The following ITPR2 variants were observed in gnomAD, a reference collection of about 807,000 sequenced individuals.
ITPR2 encodes inositol 1,4,5-trisphosphate-gated calcium channel ITPR2.
ITPR2 carries 207 observed loss-of-function variants against 317.1 expected under a neutral mutation model. The observed-to-expected ratio is 0.65, with a 90% CI of 0.58 to 0.73. The LOEUF is 0.73. Among genes scored for constraint, ITPR2 ranks in the 30% least tolerant of loss-of-function variants. The pLI is 0.00. For synonymous variants in ITPR2, 1,156 were observed against 1,149.1 expected, an observed-to-expected ratio of 1.01 and a Z score of -0.12; for missense variants, 2,613 against 3,284.0, an observed-to-expected ratio of 0.80 and a Z score of 4.99.
In ITPR2 at chr12:26,336,214, C is replaced by A. The variant is rs1937910031; in HGVS notation, c.*3183G>T. Among the ~76,000 whole-genome samples, 1 of 152,174 alleles carries A rather than the reference C, an allele frequency of 6.6e-6. No individual in the cohort carries two copies. The highest frequency in any genetic ancestry group is 2.4e-5 in the African/African-American group (1 of 41,440). On this transcript the variant is annotated 3_prime_UTR_variant, in exon 57 of 57. Coordinates refer to ENST00000381340, the MANE Select transcript of ITPR2 (RefSeq NM_002223.4). Reference sequence around the variant, plus strand: ...CTATCTCCACCTTCTCTCACCAACTCCCCAGCCTCCCCACTCATTCTCAGT... The same window carrying A: ...CTATCTCCACCTTCTCTCACCAACTACCCAGCCTCCCCACTCATTCTCAGT...
rs55657323 is a variant in ITPR2 at position 26,575,913 on chromosome 12, T to C, written c.4630+2800A>G. Among the ~76,000 whole-genome samples the C allele has an allele frequency of 1.7e-3, 262 of 152,262 alleles. 1 individual carries two copies. The highest frequency in any genetic ancestry group is 0.01 in the Middle Eastern group (3 of 294). ...CAATGTATACATGTGATCAACAACA[T>C]GCCCGCTACGCCCTGTGTAGGGCCA... On this transcript the variant is annotated intron_variant, in intron 34 of 56. Coordinates refer to ENST00000381340, the MANE Select transcript of ITPR2 (RefSeq NM_002223.4).
intron 8 of ITPR2, among the ~76,000 whole-genome samples, chr12:26,713,956 G>A (rs1363002010): frequency 1.3e-5 from 2 of 152,152 alleles, no homozygotes; most frequent in Admixed American, 6.5e-5. Flanking sequence ...AGTCATAGCT[G>A]TTTTCCCCAG....
In ITPR2 at chr12:26,521,360, T is replaced by C. The variant is rs76595225; in HGVS notation, c.5074-26100A>G. 8.6e-3 allele frequency among the ~76,000 whole-genome samples: 1,306 copies of C among 152,328 alleles called. 16 individuals carry two copies. Among genetic ancestry groups the C allele is most frequent in the African/African-American group, 0.03 (1,238 of 41,580 alleles). On this transcript the variant is annotated intron_variant, in intron 37 of 56. Coordinates refer to ENST00000381340, the MANE Select transcript of ITPR2 (RefSeq NM_002223.4). Reference sequence around the variant, plus strand: ...AGTAAAATTTAAGATAAAAATACCTTAATAGCTGTCAATCATATACTTGGT... The same window carrying C: ...AGTAAAATTTAAGATAAAAATACCTCAATAGCTGTCAATCATATACTTGGT...
intron 52 of ITPR2, chr12:26,406,406 T>C (rs902268972): frequency 3.3e-5 from 5 of 149,752 alleles, no homozygotes; most frequent in African/African-American, 1.2e-4. Flanking sequence ...ACCAGGGAGG[T>C]CTGCAGCAAA....
chr12:26,750,991 C>T (rs1229238937), intron 2 of ITPR2, among the ~76,000 whole-genome samples: 1 of 152,140 alleles, frequency 6.6e-6, no homozygotes, highest in Non-Finnish European at 1.5e-5. Flanking sequence ...ACCGCCCAAG[C>T]AACGAAAACG....
intron 52 of ITPR2, among the ~76,000 whole-genome samples, chr12:26,407,146 T>C (rs1940380556): frequency 6.6e-6 from 1 of 152,086 alleles, no homozygotes; most frequent in South Asian, 2.1e-4. Flanking sequence ...ATGGAGACTT[T>C]CCCCCAATGT....
chr12:26,589,100 G>A (rs1945618511), intron 32 of ITPR2, among the ~76,000 whole-genome samples: 1 of 152,124 alleles, frequency 6.6e-6, no homozygotes, highest in Non-Finnish European at 1.5e-5. Flanking sequence ...AGATCAAAGT[G>A]GGCTGTCATT....
chr12:26,693,580 T>C (rs985558886), intron 10 of ITPR2, among the ~76,000 whole-genome samples: 4 of 152,242 alleles, frequency 2.6e-5, no homozygotes, highest in Non-Finnish European at 4.4e-5. Context: ...TAATATCTAA[T>C]ACAATCTAAG....
At chr12:26,815,743 A>G (rs1950841145) in intron 1 of ITPR2, among the ~76,000 whole-genome samples, 1 of 152,188 alleles carries the variant, frequency 6.6e-6, no homozygotes, top group Non-Finnish European at 1.5e-5. Flanking sequence ...ACCAAAATAA[A>G]TAATAGATAA....
intron 10 of ITPR2, among the ~76,000 whole-genome samples, chr12:26,695,236 C>G (rs1460574769): frequency 6.6e-6 from 1 of 152,142 alleles, no homozygotes; most frequent in Non-Finnish European, 1.5e-5. Flanking sequence ...TGCATCACAT[C>G]AAATTGTCCT....
At chr12:26,481,634 T>C (rs1328354233) in intron 42 of ITPR2, among the ~76,000 whole-genome samples, 1 of 152,244 alleles carries the variant, frequency 6.6e-6, no homozygotes, top group Non-Finnish European at 1.5e-5. Context: ...TTCCCATTTA[T>C]GAAAGACATG....
intron 1 of ITPR2, among the ~76,000 whole-genome samples, chr12:26,793,765 C>T (rs891884745): frequency 2.0e-5 from 3 of 151,976 alleles, no homozygotes; most frequent in Non-Finnish European, 4.4e-5. Flanking sequence ...TAACTAGAAG[C>T]AATAAACAGT....
chr12:26,357,076 T>C (rs1325837803), intron 55 of ITPR2, among the ~76,000 whole-genome samples: 1 of 152,110 alleles, frequency 6.6e-6, no homozygotes, highest in Non-Finnish European at 1.5e-5. Flanking sequence ...GTGTCTTTTT[T>C]ATTCATGGGC....
chr12:26,419,155 C>T lies in ITPR2; in HGVS notation c.7004G>A (p.Arg2335His), dbSNP rs971365539. Residue 2335 changes from arginine (R) to histidine (H), a missense_variant, in exon 50 of 57, where the codon CGT becomes CAT. Arg to His is a conservative substitution (Grantham distance 29). Around this residue, in one of 9 missense-constraint regions of ITPR2, gnomAD observed 78 missense variants for 110.3 expected, o/e 0.71. Transcript: ENST00000381340. ...SFVGNRGTFT[R>H]GYRAVILDMA... ...ATCCAGGATGACTGCTCGGTACCCACGGGTGAACGTGCCACGATTTCCAAC... is the reference window on the plus strand; with the variant it reads ...ATCCAGGATGACTGCTCGGTACCCATGGGTGAACGTGCCACGATTTCCAAC... 2.5e-6 allele frequency: 4 copies of T among 1,613,556 alleles called. No homozygotes were observed. The highest frequency in any genetic ancestry group is 1.3e-5 in the African/African-American group (1 of 74,860).
At position 26,691,592 on chromosome 12, in the gene ITPR2, C is replaced by G. The variant is rs547446770; in HGVS notation, c.996+4014G>C. Among the ~76,000 whole-genome samples the G allele has an allele frequency of 7.2e-5, 11 of 152,244 alleles. No individual in the cohort carries two copies. In the South Asian group the frequency reaches 2.3e-3, roughly 32 times the overall value. On this transcript the variant is annotated intron_variant, in intron 10 of 56. Transcript: ENST00000381340. ...CAAGTTGTACATGGAGAAAATGCCCCTACGAAAAGCCAGCTGAGTCAACTC... is the reference window on the plus strand; with the variant it reads ...CAAGTTGTACATGGAGAAAATGCCCGTACGAAAAGCCAGCTGAGTCAACTC...
intron 37 of ITPR2, among the ~76,000 whole-genome samples, chr12:26,510,228 C>A (rs1943303360): frequency 6.6e-6 from 1 of 152,084 alleles, no homozygotes; most frequent in Admixed American, 6.5e-5. Flanking sequence ...TACTAATATG[C>A]TAGTCTTTCC....
chr12:26,722,299 A>T, intron 5 of ITPR2, 98 bp downstream of exon 5: 1 of 1,080,106 alleles, frequency 9.3e-7, no homozygotes, highest in South Asian at 1.8e-5. Context: ...TTGAGTAAAA[A>T]CTATATTTTC....
At chr12:26,716,296 T>C (rs2137032641) in intron 5 of ITPR2, 54 bp from the exon 6 acceptor site, 1 of 1,178,392 alleles carries the variant, frequency 8.5e-7, no homozygotes, top group South Asian at 1.3e-5. Flanking sequence ...TTTGGTGCTA[T>C]ATTCGAAGCT....
At chr12:26,420,683 T>G (rs1012435612) in intron 49 of ITPR2, among the ~76,000 whole-genome samples, 2 of 152,190 alleles carry the variant, frequency 1.3e-5, no homozygotes, top group Non-Finnish European at 2.9e-5. Flanking sequence ...CATCAATATC[T>G]TATGCTATTA....
Sources: allele counts gnomAD v4.1 joint callset (sites outside exome capture counted in the v4.1 genomes callset), GRCh38; gene constraint gnomAD v4.1.1; regional missense constraint gnomAD v4.1.1; transcripts MANE v1.5; gene names NCBI Gene and HGNC (gene_info 2026-07-23, HGNC 2026-07-21).